C10orf90: variants seen among roughly 807,000 people sequenced by gnomAD.
The protein encoded by C10orf90 is chromosome 10 open reading frame 90.
In C10orf90, 56 loss-of-function variants were observed where a neutral mutation model predicts 62.5. The ratio of observed to expected loss-of-function variants is 0.90; its 90% CI spans 0.72 to 1.12. The LOEUF (loss-of-function observed/expected upper bound fraction) is 1.12, where lower values mean the gene tolerates loss of function less well. C10orf90 is among the 50% of genes most tolerant of loss of function. C10orf90 has a pLI of 0.00. For missense variants in C10orf90, 970 were observed against 880.4 expected (o/e 1.10, Z -1.29); for synonymous variants, 386 against 340.4 (o/e 1.13, Z -1.47).
chr10:126,478,749 G>A (rs557868577), intron 4 of C10orf90, among the ~76,000 whole-genome samples: 1 of 152,044 alleles, frequency 6.6e-6, no homozygotes, highest in South Asian at 2.1e-4. Flanking sequence ...GGGGGAGGAG[G>A]TTCTGCTGTC....
Position 126,532,175 on chromosome 10 carries a change from C to T in C10orf90, c.314-18236G>A, listed in dbSNP as rs539222122. ...ACCTGCCAGGGCTAAGTCTGGTTTT[C>T]TTCCATCTCATTGCATCTCAGCCTG... On this transcript the variant is annotated intron_variant, in intron 2 of 9. Transcript: ENST00000488181. Among the ~76,000 whole-genome samples the T allele has an allele frequency of 3.7e-4, 56 of 152,316 alleles. 1 individual carries two copies. Among genetic ancestry groups the T allele is most frequent in the African/African-American group, 1.1e-3 (46 of 41,572 alleles).
At chr10:126,467,384 A>G (rs1860351581) in intron 4 of C10orf90, among the ~76,000 whole-genome samples, 1 of 152,244 alleles carries the variant, frequency 6.6e-6, no homozygotes, top group Non-Finnish European at 1.5e-5. Flanking sequence ...GGGCCCTCGC[A>G]GGACAAGGCG....
chr10:126,534,228 CCTG>C (rs1864176249), intron 2 of C10orf90, among the ~76,000 whole-genome samples: 1 of 152,196 alleles, frequency 6.6e-6, no homozygotes, highest in South Asian at 2.1e-4. Flanking sequence ...GCAGAGCTTA[CCTG>C]CTTGTGCCAA....
intron 4 of C10orf90, among the ~76,000 whole-genome samples, chr10:126,499,355 A>T (rs1210712966): frequency 1.3e-5 from 2 of 152,190 alleles, no homozygotes; most frequent in African/African-American, 4.8e-5. Context: ...CATATTTTCA[A>T]TCTGGCCCTT....
chr10:126,616,957 A>T (rs1845553638), intron 2 of C10orf90, among the ~76,000 whole-genome samples: 1 of 152,136 alleles, frequency 6.6e-6, no homozygotes. Flanking sequence ...GGGCTATGTT[A>T]TCTAAGTTGA....
Position 126,504,804 on chromosome 10 carries a change from GC to G in C10orf90, c.686del (p.Gly229AlafsTer76), listed in dbSNP as rs756932045. The G allele has an allele frequency of 1.3e-6, 2 of 1,587,228 alleles. No individual in the cohort carries two copies. The highest frequency in any genetic ancestry group is 1.7e-6 in the Non-Finnish European group (2 of 1,166,118). Reference sequence around the variant, plus strand: ...TGATGGATGCAAACCCTCTGCGGGGGCCCCCACAGGGTCTCTCCTCTTTGGG... The same window carrying G: ...TGATGGATGCAAACCCTCTGCGGGGGCCCCACAGGGTCTCTCCTCTTTGGG... ...LPPKEERPCG[G>X]PRRGFASITI... On this transcript the variant is annotated frameshift_variant, in exon 4 of 10. Coordinates refer to ENST00000488181, the MANE Select transcript of C10orf90 (RefSeq NM_001350921.2). LOFTEE classifies it high-confidence loss of function. This position sits in a 1 kb window ranked among gnomAD's most constrained non-coding sequence, Gnocchi z 4.1.
intron 4 of C10orf90, among the ~76,000 whole-genome samples, chr10:126,494,713 T>C (rs1030991291): frequency 5.9e-5 from 9 of 152,222 alleles, no homozygotes; most frequent in Non-Finnish European, 1.0e-4. Flanking sequence ...CTTCCGATTC[T>C]ATAGACAACA....
At chr10:126,490,013 T>A (rs1157910642) in intron 4 of C10orf90, among the ~76,000 whole-genome samples, 36 of 74,330 alleles carry the variant, frequency 4.8e-4, no homozygotes, top group Non-Finnish European at 7.9e-4. Flanking sequence ...ATTATATATA[T>A]TATATATAAT....
chr10:126,555,923 C>T (rs1325182929), intron 2 of C10orf90, among the ~76,000 whole-genome samples: 4 of 152,102 alleles, frequency 2.6e-5, no homozygotes, highest in African/African-American at 7.2e-5. Flanking sequence ...ATCACTCTGT[C>T]GATGCCAGAA....
chr10:126,532,540 T>C (rs1864120481), intron 2 of C10orf90, among the ~76,000 whole-genome samples: 1 of 151,898 alleles, frequency 6.6e-6, no homozygotes, highest in Non-Finnish European at 1.5e-5. Flanking sequence ...TGGACTCATA[T>C]AAAGAGTGAG....
At chr10:126,640,999 G>A (rs911736622) in intron 2 of C10orf90, among the ~76,000 whole-genome samples, 8 of 152,114 alleles carry the variant, frequency 5.3e-5, no homozygotes, top group Admixed American at 5.2e-4. Context: ...ACAATGAAAC[G>A]GTTTCTGTAA....
intron 2 of C10orf90, among the ~76,000 whole-genome samples, chr10:126,607,813 C>T (rs57044802): frequency 0.17 from 25,763 of 152,058 alleles, 2,382 homozygotes; most frequent in South Asian, 0.33. Flanking sequence ...TTTACTCATA[C>T]GGTTTCATAT....
At chr10:126,542,870 T>G (rs1027053617) in intron 2 of C10orf90, among the ~76,000 whole-genome samples, 7 of 152,202 alleles carry the variant, frequency 4.6e-5, no homozygotes, top group African/African-American at 1.7e-4. Context: ...TTCATCTATT[T>G]CACTTATAGG....
intron 4 of C10orf90, among the ~76,000 whole-genome samples, chr10:126,491,984 T>A (rs938321165): frequency 4.6e-5 from 7 of 152,122 alleles, no homozygotes; most frequent in African/African-American, 1.7e-4. Flanking sequence ...GGGGAAAAGA[T>A]GAAGAAGAAA....
chr10:126,469,655 T>A (rs1860460685), intron 4 of C10orf90: 1 of 341,912 alleles, frequency 2.9e-6, no homozygotes, highest in African/African-American at 2.1e-5. Flanking sequence ...CTCTTTGCCA[T>A]GAACCTAAAC....
intron 2 of C10orf90, among the ~76,000 whole-genome samples, chr10:126,546,196 T>C (rs1864486993): frequency 6.6e-6 from 1 of 152,072 alleles, no homozygotes; most frequent in Non-Finnish European, 1.5e-5. Flanking sequence ...CAATAACCAC[T>C]CTACTCCAGC....
intron 2 of C10orf90, among the ~76,000 whole-genome samples, chr10:126,532,670 T>C (rs1048943181): frequency 6.6e-5 from 10 of 150,506 alleles, no homozygotes; most frequent in African/African-American, 2.4e-4. Flanking sequence ...ACCCCGTCTC[T>C]ACTAAAAATA....
chr10:126,571,447 A>G (rs932322455), intron 2 of C10orf90, among the ~76,000 whole-genome samples: 31 of 152,336 alleles, frequency 2.0e-4, no homozygotes, highest in African/African-American at 6.5e-4. Context: ...CAGCCAGGGC[A>G]GTCAGGGACA....
At chr10:126,664,440 T>C (rs1341185454) in intron 1 of C10orf90, among the ~76,000 whole-genome samples, 1 of 152,124 alleles carries the variant, frequency 6.6e-6, no homozygotes, top group East Asian at 1.9e-4. Context: ...CCAGCAACGC[T>C]ATAAGGCAGA....
Sources: allele counts gnomAD v4.1 joint callset (sites outside exome capture counted in the v4.1 genomes callset), GRCh38; gene constraint gnomAD v4.1.1; non-coding constraint Gnocchi (gnomAD v3.1); transcripts MANE v1.5; gene names NCBI Gene and HGNC (gene_info 2026-07-23, HGNC 2026-07-21).